IQUB: variants seen among roughly 807,000 people sequenced by gnomAD.
The protein encoded by IQUB is IQ motif and ubiquitin domain containing.
A neutral mutation model predicts 86.4 loss-of-function variants in IQUB; 86 were observed. The observed-to-expected ratio is 1.00, with a 90% CI of 0.84 to 1.19. The LOEUF is 1.19. Among genes scored for constraint, IQUB ranks in the 50% most tolerant of loss-of-function variants. The probability of loss-of-function intolerance (pLI) is 0.00; values close to 1 mark genes in which losing one functional copy is unlikely to be tolerated. For synonymous variants in IQUB, 289 were observed against 304.5 expected (o/e 0.95, Z 0.53); for missense variants, 946 against 916.9 (o/e 1.03, Z -0.41).
intron 8 of IQUB, among the ~76,000 whole-genome samples, chr7:123,472,900 A>C (rs1794595653): frequency 1.3e-5 from 2 of 152,198 alleles, no homozygotes; most frequent in African/African-American, 2.4e-5. Context: ...CATGTACTTA[A>C]ATTGCTTCAG....
At chr7:123,520,079 T>C (rs1033543397) in intron 1 of IQUB, among the ~76,000 whole-genome samples, 4 of 133,356 alleles carry the variant, frequency 3.0e-5, no homozygotes, top group Non-Finnish European at 6.5e-5. Context: ...ACAAGGCTTT[T>C]CAAAAATTTT....
intron 1 of IQUB, among the ~76,000 whole-genome samples, chr7:123,513,463 A>G (rs1020965512): frequency 2.0e-5 from 3 of 152,184 alleles, no homozygotes; most frequent in African/African-American, 7.2e-5. Context: ...GTGAGCTAAG[A>G]ATGATTTTGT....
At chr7:123,473,924 G>C (rs531709924) in intron 8 of IQUB, among the ~76,000 whole-genome samples, 12 of 151,996 alleles carry the variant, frequency 7.9e-5, no homozygotes, top group Non-Finnish European at 1.6e-4. Context: ...GTCAATATTT[G>C]GTGACTTAAA....
chr7:123,524,594 G>T (rs201094991), intron 1 of IQUB, among the ~76,000 whole-genome samples: 3 of 149,694 alleles, frequency 2.0e-5, no homozygotes, highest in Admixed American at 6.7e-5. Context: ...CTTAAGGAGA[G>T]TTTGGGCTGA....
chr7:123,484,909 T>C (rs774015275), intron 7 of IQUB, among the ~76,000 whole-genome samples: 3 of 152,034 alleles, frequency 2.0e-5, no homozygotes, highest in Non-Finnish European at 4.4e-5. Context: ...AAAAGCACTA[T>C]TTCCCAACTA....
chr7:123,468,870 T>C (rs941010651), intron 9 of IQUB, among the ~76,000 whole-genome samples: 2 of 152,182 alleles, frequency 1.3e-5, no homozygotes, highest in African/African-American at 2.4e-5. Flanking sequence ...AGAAAAAAGA[T>C]AAAAATACAA....
At chr7:123,513,699 A>G (rs1297439812) in intron 1 of IQUB, among the ~76,000 whole-genome samples, 2 of 152,138 alleles carry the variant, frequency 1.3e-5, no homozygotes, top group Non-Finnish European at 2.9e-5. Context: ...CCCAGGCTGG[A>G]GTGCAGTGGT....
intron 1 of IQUB, among the ~76,000 whole-genome samples, chr7:123,523,631 A>G (rs921460200): frequency 6.6e-6 from 1 of 151,138 alleles, no homozygotes; most frequent in Non-Finnish European, 1.5e-5. Context: ...AGGTTGCGAA[A>G]ATTTTCTCCC....
intron 1 of IQUB, among the ~76,000 whole-genome samples, chr7:123,521,514 G>A (rs1377036544): frequency 6.6e-6 from 1 of 152,010 alleles, no homozygotes; most frequent in Non-Finnish European, 1.5e-5. Flanking sequence ...TTGTATTGTG[G>A]CACGCACCTG....
Position 123,515,359 on chromosome 7 carries a change from T to C in IQUB, c.-4-3015A>G, listed in dbSNP as rs145336389. 3.8e-4 allele frequency among the ~76,000 whole-genome samples: 58 copies of C among 152,322 alleles called. 1 individual carries two copies. Among genetic ancestry groups the C allele is most frequent in the African/African-American group, 1.3e-3 (56 of 41,578 alleles). ...AAAAGACAAATCATAGACTGGAAGA[T>C]ACTTTTCACAAAATGCATATCTGAT... On this transcript the variant is annotated intron_variant, in intron 1 of 12. Coordinates refer to ENST00000324698, the MANE Select transcript of IQUB (RefSeq NM_178827.5).
intron 1 of IQUB, among the ~76,000 whole-genome samples, chr7:123,514,105 C>T (rs775879816): frequency 2.6e-5 from 4 of 152,036 alleles, no homozygotes; most frequent in African/African-American, 4.8e-5. Flanking sequence ...TACAGACTAT[C>T]GAAGACAAAG....
intron 1 of IQUB, among the ~76,000 whole-genome samples, chr7:123,515,410 G>A (rs1796596979): frequency 6.6e-6 from 1 of 152,102 alleles, no homozygotes; most frequent in Non-Finnish European, 1.5e-5. Flanking sequence ...AGACTATATA[G>A]AGAATAATAA....
At chr7:123,472,181 T>C (rs1452130604) in intron 8 of IQUB, among the ~76,000 whole-genome samples, 1 of 150,188 alleles carries the variant, frequency 6.7e-6, no homozygotes, top group Non-Finnish European at 1.5e-5. Context: ...GAAGTTGCAG[T>C]GCACCAAGTC....
intron 7 of IQUB, among the ~76,000 whole-genome samples, chr7:123,490,363 T>C (rs1217046556): frequency 1.3e-5 from 2 of 152,158 alleles, no homozygotes; most frequent in African/African-American, 4.8e-5. Context: ...TAAATGTTTT[T>C]ACATCTAATA....
intron 9 of IQUB, 65 bp from the exon 10 acceptor site, chr7:123,465,074 C>T: frequency 4.6e-6 from 5 of 1,090,644 alleles, no homozygotes; most frequent in South Asian, 1.4e-5. Flanking sequence ...TTTCAAATTG[C>T]CACCAAAACA....
At chr7:123,501,304 TCAC>T (rs1435869682) in intron 6 of IQUB, 1 of 152,298 alleles carries the variant, frequency 6.6e-6, no homozygotes, top group African/African-American at 2.4e-5. Flanking sequence ...CATCATAGAG[TCAC>T]CACCCATGCC....
intron 7 of IQUB, among the ~76,000 whole-genome samples, chr7:123,486,585 AAAT>A (rs1226540332): frequency 6.6e-6 from 1 of 152,236 alleles, no homozygotes; most frequent in Non-Finnish European, 1.5e-5. Context: ...TAAATAGGGA[AAAT>A]AATGATAAAG....
Position 123,503,038 on chromosome 7 carries a change from T to C in IQUB, c.773A>G (p.His258Arg). The C allele has an allele frequency of 1.2e-6, 2 of 1,613,310 alleles. No homozygotes were observed. Among genetic ancestry groups the C allele is most frequent in the East Asian group, 4.5e-5 (2 of 44,806 alleles). The stretch of plus-strand genomic sequence containing the variant: ...GTGATACTCTACTCCTGTTACTTTA[T>C]GTCTGAATCCACCAAGAAATGGTTT... ...FHKPFLGGFR[H>R]KVTGVEYHNA... The change falls in exon 5 of 13, where the codon CAT (histidine) becomes CGT (arginine). Residue 258 changes from histidine (H) to arginine (R), a missense_variant. Transcript: ENST00000324698.
At chr7:123,494,911 A>C (rs1795643230) in intron 7 of IQUB, among the ~76,000 whole-genome samples, 1 of 152,078 alleles carries the variant, frequency 6.6e-6, no homozygotes, top group Admixed American at 6.6e-5. Context: ...ATTATTTTGC[A>C]CAGTTGTCTG....
Sources: gnomAD v4.1 joint callset for allele counts (sites outside exome capture counted in the v4.1 genomes callset) on GRCh38, gnomAD v4.1.1 for gene constraint, MANE v1.5 for transcripts, NCBI Gene and HGNC (gene_info 2026-07-23, HGNC 2026-07-21) for gene names.